The following ASPSCR1 variants were observed in gnomAD, a reference collection of about 807,000 sequenced individuals.
The protein encoded by ASPSCR1 is tether containing UBX domain for GLUT4.
Under a neutral mutation model 68.9 loss-of-function variants are expected in ASPSCR1, and 55 were observed. The ratio of observed to expected loss-of-function variants is 0.80; its 90% confidence interval spans 0.64 to 1.00. The LOEUF (loss-of-function observed/expected upper bound fraction) is 1.00. ASPSCR1 is among the 50% of genes least tolerant of loss of function. The pLI, the probability that ASPSCR1 is intolerant of heterozygous loss-of-function variation, is 0.00. For synonymous variants in ASPSCR1, 352 were observed against 332.6 expected, an observed-to-expected ratio of 1.06 and a Z score of -0.63; for missense variants, 765 against 762.2, an observed-to-expected ratio of 1.00 and a Z score of -0.04.
chr17:82,015,501 G>T, intron 12 of ASPSCR1: 1 of 1,107,224 alleles, frequency 9.0e-7, no homozygotes, highest in South Asian at 1.6e-5. Flanking sequence ...GGGCAGTGCT[G>T]GTTGGGGGTC....
At chr17:81,984,448 A>G (rs562978817) in intron 3 of ASPSCR1, among the ~76,000 whole-genome samples, 31 of 152,120 alleles carry the variant, frequency 2.0e-4, no homozygotes, top group African/African-American at 7.5e-4. Context: ...GTGGTGGCGG[A>G]TGCCTGTAGT....
chr17:81,977,660 C>G lies in ASPSCR1; in HGVS notation c.14C>G (p.Ala5Gly), dbSNP rs1311494674. MAAP[A>G]GGGGSAVSVL... ...CGTGAGCGGAAAATGGCGGCCCCGG[C>G]AGGCGGCGGAGGCTCCGCGGTGTCG... Residue 5 changes from alanine to glycine, a missense_variant, in exon 1 of 16, where the codon GCA becomes GGA. Coordinates refer to ENST00000306739, the MANE Select transcript of ASPSCR1 (RefSeq NM_024083.4). The surrounding 1 kb of genome is among the most constrained non-coding windows in gnomAD (Gnocchi z 5.0). 19 of 1,398,144 alleles carry G rather than the reference C, an allele frequency of 1.4e-5. No individual in the cohort carries two copies. Among genetic ancestry groups the G allele is most frequent in the Non-Finnish European group, 1.7e-5 (18 of 1,072,548 alleles). 86.6% of individuals were successfully genotyped at this position (1,398,144 alleles called of 1,614,324 possible).
In ASPSCR1 at chr17:81,999,883, C is replaced by T. The variant is rs967963627; in HGVS notation, c.933+3037C>T. Among the ~76,000 whole-genome samples, 4 of 152,186 alleles carry T rather than the reference C, an allele frequency of 2.6e-5. No homozygotes were observed. Among genetic ancestry groups the T allele is most frequent in the Non-Finnish European group, 5.9e-5 (4 of 68,016 alleles). ...ATGTGGGGGCTCCCATCTAGCCCGG[C>T]GTCAGGGTCCAGCCCCTCTGTTTTC... On this transcript the variant is annotated intron_variant, in intron 7 of 15. Transcript: ENST00000306739. The surrounding 1 kb of genome is among the most constrained non-coding windows in gnomAD (Gnocchi z 4.4).
chr17:82,002,887 T>C (rs1185344089), intron 7 of ASPSCR1, among the ~76,000 whole-genome samples: 1 of 150,094 alleles, frequency 6.7e-6, no homozygotes, highest in Non-Finnish European at 1.5e-5. Flanking sequence ...TAACTTTTTT[T>C]TTTTCGAGAC....
Position 81,992,008 on chromosome 17 carries a change from T to C in ASPSCR1, c.375-2813T>C, listed in dbSNP as rs1373292174. On this transcript the variant is annotated intron_variant, in intron 4 of 15. Coordinates refer to ENST00000306739, the MANE Select transcript of ASPSCR1 (RefSeq NM_024083.4). ...AGCAGCAGAGGCGTGTCTGCCCTCC[T>C]GGCCGTCCCGCTGGCTTCTGGCCCT... is the stretch of plus-strand genomic sequence containing the variant. 3.3e-5 allele frequency among the ~76,000 whole-genome samples: 5 copies of C among 152,240 alleles called. No individual in the cohort carries two copies. In the East Asian group the frequency reaches 9.6e-4, roughly 29 times the overall value.
In ASPSCR1 at chr17:81,979,252, C is replaced by T. The variant is rs1006102280; in HGVS notation, c.158+13C>T. On this transcript the variant is annotated intron_variant, in intron 2 of 15. Coordinates refer to ENST00000306739, the MANE Select transcript of ASPSCR1 (RefSeq NM_024083.4). ...AATATGATCTGAAGTGAGTTTGCTCCAGCTCAGCAGCAGGGTCTGAGTATA... is the reference window on the plus strand; with the variant it reads ...AATATGATCTGAAGTGAGTTTGCTCTAGCTCAGCAGCAGGGTCTGAGTATA... 1.9e-6 allele frequency: 3 copies of T among 1,613,052 alleles called. No individual in the cohort carries two copies. The highest frequency in any genetic ancestry group is 2.5e-6 in the Non-Finnish European group (3 of 1,179,136).
At chr17:82,002,038 C>G (rs1430571648) in intron 7 of ASPSCR1, among the ~76,000 whole-genome samples, 2 of 124,138 alleles carry the variant, frequency 1.6e-5, no homozygotes, top group African/African-American at 6.1e-5. Flanking sequence ...GACACAGTCT[C>G]GCTCTCTTGC....
intron 9 of ASPSCR1, among the ~76,000 whole-genome samples, 184 bp from the exon 10 acceptor site, chr17:82,010,618 T>A (rs2042904436): frequency 6.6e-6 from 1 of 151,700 alleles, no homozygotes; most frequent in African/African-American, 2.4e-5. Context: ...CACACGGCAC[T>A]TGGCTGTCTC....
At chr17:81,982,404 A>G (rs1844329462) in intron 2 of ASPSCR1, among the ~76,000 whole-genome samples, 1 of 152,228 alleles carries the variant, frequency 6.6e-6, no homozygotes, top group Non-Finnish European at 1.5e-5. Flanking sequence ...TGCTAATGGT[A>G]CCACTTGCTT....
chr17:82,009,285 C>A (rs1388564419), intron 8 of ASPSCR1, 94 bp downstream of exon 8: 1 of 1,458,814 alleles, frequency 6.9e-7, no homozygotes, highest in Admixed American at 2.4e-5. Context: ...CCAGCACTGG[C>A]TCCCGGCCCA....
Position 81,999,626 on chromosome 17 carries a change from CAAAAAAAAA to C in ASPSCR1, c.933+2790_933+2798del, listed in dbSNP as rs869273858. ...CGGGTGACAGAGTGAAACTCCATCTCAAAAAAAAAAAAAAAAAAGAAAACAAGAAGTGGC... is the reference window on the plus strand; with the variant it reads ...CGGGTGACAGAGTGAAACTCCATCTCAAAAAAAAAGAAAACAAGAAGTGGC... On this transcript the variant is annotated intron_variant, in intron 7 of 15. Coordinates refer to ENST00000306739, the MANE Select transcript of ASPSCR1 (RefSeq NM_024083.4). The surrounding 1 kb of genome is among the most constrained non-coding windows in gnomAD (Gnocchi z 4.4). Among the ~76,000 whole-genome samples, 166 of 72,020 alleles carry C rather than the reference CAAAAAAAAA, an allele frequency of 2.3e-3. No individual in the cohort carries two copies. Among genetic ancestry groups the C allele is most frequent in the Non-Finnish European group, 1.7e-3 (57 of 34,494 alleles). The allele number at this position is 72,020 out of a possible 152,430, so 47.2% of individuals were successfully genotyped here. A position where few individuals can be genotyped will look rare whatever the true frequency, so the allele number is the denominator to read the frequency against.
chr17:82,016,757 ACCCCT>A lies in ASPSCR1; in HGVS notation c.1406-40_1406-36del, dbSNP rs1248471542. 9 of 1,587,628 alleles carry A rather than the reference ACCCCT, an allele frequency of 5.7e-6. No homozygotes were observed. In the South Asian group the frequency reaches 1.0e-4, roughly 18 times the overall value. On this transcript the variant is annotated intron_variant, in intron 13 of 15. Coordinates refer to ENST00000306739, the MANE Select transcript of ASPSCR1 (RefSeq NM_024083.4). ...CAGATGCTGGGTGGATGGTGAGTGG[ACCCCT>A]CCTCAGAGGCTCAGGGTGAGCTTGG...
rs1206552573 is a variant in ASPSCR1, at chr17:81,996,083, G to A, written c.506+18G>A. ...ACCATCAGGTAAGGGCAGTGCTGCT[G>A]GGGCCGAGGAGTCTATTTAGCTAAA... On this transcript the variant is annotated intron_variant, in intron 6 of 15. Coordinates refer to ENST00000306739, the MANE Select transcript of ASPSCR1 (RefSeq NM_024083.4). 2.5e-6 allele frequency: 4 copies of A among 1,587,686 alleles called. No homozygotes were observed. The highest frequency in any genetic ancestry group is 1.1e-5 in the South Asian group (1 of 87,680).
At chr17:82,009,008 C>T in intron 7 of ASPSCR1, 29 bp from the exon 8 acceptor site, 3 of 1,476,302 alleles carry the variant, frequency 2.0e-6, no homozygotes, top group Non-Finnish European at 2.7e-6. Flanking sequence ...CCCGTGACAC[C>T]CGCCGTCAGC....
intron 7 of ASPSCR1, among the ~76,000 whole-genome samples, chr17:82,000,858 G>C (rs1415371716): frequency 2.0e-5 from 3 of 152,162 alleles, no homozygotes; most frequent in East Asian, 3.9e-4. Flanking sequence ...CTGGGAGGCT[G>C]CCCTGCAGCC....
intron 7 of ASPSCR1, among the ~76,000 whole-genome samples, chr17:82,001,995 T>G (rs1345236301): frequency 6.7e-6 from 1 of 148,552 alleles, no homozygotes; most frequent in Non-Finnish European, 1.5e-5. Context: ...CTTTTTTTTT[T>G]CTTTTTCCTT....
chr17:82,016,838 T>G lies in ASPSCR1; in HGVS notation c.1444T>G (p.Ser482Ala). ...LEPGLLEHAI[S>A]PSAADVLVAR... The stretch of plus-strand genomic sequence containing the variant: ...GCCTGGCCTGCTGGAGCATGCCATC[T>G]CCCCATCTGCGGCCGATGTGCTGGT... Residue 482 changes from serine to alanine, a missense_variant, in exon 14 of 16, where the codon TCC becomes GCC. Physicochemically the swap from Ser to Ala is moderately conservative, Grantham distance 99. Coordinates refer to ENST00000306739, the MANE Select transcript of ASPSCR1 (RefSeq NM_024083.4). 1 of 1,611,810 alleles carries G rather than the reference T, an allele frequency of 6.2e-7. No individual in the cohort carries two copies. Among genetic ancestry groups the G allele is most frequent in the Non-Finnish European group, 8.5e-7 (1 of 1,179,932 alleles).
At chr17:81,980,706 T>C (rs1286798643) in intron 2 of ASPSCR1, among the ~76,000 whole-genome samples, 1 of 152,106 alleles carries the variant, frequency 6.6e-6, no homozygotes, top group Admixed American at 6.6e-5. Context: ...TTACACCGAA[T>C]GGGGTGGCTG....
At chr17:82,012,321 C>T (rs1341802601) in intron 12 of ASPSCR1, 38 bp downstream of exon 12, 1 of 1,599,550 alleles carries the variant, frequency 6.3e-7, no homozygotes, top group East Asian at 2.2e-5. Flanking sequence ...CGGGGCGGGG[C>T]CCTCCAGGGA....
Sources: gnomAD v4.1 joint callset for allele counts (sites outside exome capture counted in the v4.1 genomes callset) on GRCh38, gnomAD v4.1.1 for gene constraint, Gnocchi (gnomAD v3.1) non-coding constraint, MANE v1.5 for transcripts, NCBI Gene and HGNC (gene_info 2026-07-23, HGNC 2026-07-21) for gene names.